The following FHL2 variants were observed in gnomAD, a reference collection of about 807,000 sequenced individuals.
FHL2 encodes four and a half LIM domains protein 2.
In FHL2, 20 loss-of-function variants were observed where a neutral mutation model predicts 32.7. That is an observed-to-expected ratio of 0.61 (90% confidence interval 0.43 to 0.89). The LOEUF is 0.89. Ranked by LOEUF, FHL2 falls within the 40% of genes least tolerant of loss-of-function variation. FHL2 has a pLI of 0.00. For missense variants in FHL2, 311 were observed against 358.6 expected (o/e 0.87, Z 1.07); for synonymous variants, 123 against 128.1 (o/e 0.96, Z 0.27).
chr2:105,366,009 C>T (rs769506270), intron 5 of FHL2, among the ~76,000 whole-genome samples: 6 of 151,852 alleles, frequency 4.0e-5, no homozygotes, highest in Non-Finnish European at 5.9e-5. Flanking sequence ...GTTCCGAGAT[C>T]AGCCTGGCCA....
chr2:105,379,859 A>G (rs1481207755), intron 3 of FHL2, among the ~76,000 whole-genome samples: 1 of 152,208 alleles, frequency 6.6e-6, no homozygotes, highest in Non-Finnish European at 1.5e-5. Context: ...GGCCAGGGCA[A>G]TGCTGGCTTC....
At chr2:105,430,483 A>G (rs1409984197) in intron 1 of FHL2, among the ~76,000 whole-genome samples, 2 of 152,200 alleles carry the variant, frequency 1.3e-5, no homozygotes, top group African/African-American at 2.4e-5. Context: ...CCGGGCCAAC[A>G]TGGTGTAACC....
chr2:105,395,264 C>G (rs1683042735), intron 2 of FHL2, among the ~76,000 whole-genome samples: 1 of 152,244 alleles, frequency 6.6e-6, no homozygotes, highest in Admixed American at 6.5e-5. Flanking sequence ...CGGGTGGCCT[C>G]GGGTCCGTCA....
At position 105,363,391 on chromosome 2, in the gene FHL2, C is replaced by T; in HGVS notation, c.582G>A (p.Gln194=). The T allele has an allele frequency of 6.2e-7, 1 of 1,613,976 alleles. No homozygotes were observed. Among genetic ancestry groups the T allele is most frequent in the Non-Finnish European group, 8.5e-7 (1 of 1,179,944 alleles). Residue 194 remains glutamine, a synonymous_variant, in exon 6 of 7, where the codon CAG becomes CAA. Coordinates refer to ENST00000530340, the MANE Select transcript of FHL2 (RefSeq NM_001318895.3). ...ECFVCTACRK[Q]LSGQRFTARD... is the part of the protein sequence containing the mutation. ...GAGCTGTGAAGCGCTGCCCAGACAG[C>T]TGCTTCCTGCAGGCGGTGCACACGA...
At chr2:105,400,973 C>T (rs11695005), upstream of FHL2, among the ~76,000 whole-genome samples, 19,586 of 150,152 alleles carry the variant, frequency 0.13, 1,572 homozygotes, top group Admixed American at 0.25. Flanking sequence ...TCTACAACAA[C>T]GATGCACAAA....
At position 105,411,510 on chromosome 2, in the gene FHL2, T is replaced by G. The variant is rs117101150; in HGVS notation, c.-24-24970A>C. Among the ~76,000 whole-genome samples, 45 of 151,128 alleles carry G rather than the reference T, an allele frequency of 3.0e-4. 2 individuals are homozygous for G. The East Asian group carries it at 7.4e-3, about 25-fold the overall frequency. On this transcript the variant is annotated intron_variant, in intron 1 of 5. Transcript: ENST00000393352. ...CCCAGAATCCTCATCTTTGAAATGATGAATTTGTAAATGGTCCTGAACTTA... is the reference window on the plus strand; with the variant it reads ...CCCAGAATCCTCATCTTTGAAATGAGGAATTTGTAAATGGTCCTGAACTTA...
At chr2:105,420,789 G>A (rs1684078378) in intron 1 of FHL2, among the ~76,000 whole-genome samples, 1 of 152,114 alleles carries the variant, frequency 6.6e-6, no homozygotes, top group South Asian at 2.1e-4. Context: ...CCTCACATGT[G>A]CAGCTCACAT....
In FHL2 at chr2:105,360,991, A is replaced by G; in HGVS notation, c.*292T>C. 3.8e-6 allele frequency: 1 copy of G among 262,892 alleles called. No individual in the cohort carries two copies. The highest frequency in any genetic ancestry group is 7.2e-6 in the Non-Finnish European group (1 of 138,838). The allele number at this position is 262,892 out of a possible 1,614,324, so 16.3% of individuals were successfully genotyped here. On this transcript the variant is annotated 3_prime_UTR_variant, in exon 7 of 7. Transcript: ENST00000530340. ...TGCACTTAAATAGACAGTGAGAGAA[A>G]GATTTATAAAGGCATCATTCAAAAG...
intron 1 of FHL2, among the ~76,000 whole-genome samples, chr2:105,420,414 C>G (rs1429441910): frequency 6.6e-6 from 1 of 152,190 alleles, no homozygotes; most frequent in African/African-American, 2.4e-5. Flanking sequence ...ATGACCTCCT[C>G]TTAACTAATT....
At chr2:105,426,150 C>G (rs924538477) in intron 1 of FHL2, among the ~76,000 whole-genome samples, 2 of 152,110 alleles carry the variant, frequency 1.3e-5, no homozygotes, top group Non-Finnish European at 2.9e-5. Flanking sequence ...ATCTTGCATG[C>G]AAGCTTTTAC....
chr2:105,402,130 T>C (rs954926650), upstream of FHL2, among the ~76,000 whole-genome samples: 3 of 149,618 alleles, frequency 2.0e-5, no homozygotes, highest in South Asian at 4.2e-4. Flanking sequence ...TATATACATA[T>C]ACACATATAC....
At chr2:105,359,676 A>C (rs963956422), downstream of FHL2, 1 of 152,148 alleles carries the variant, frequency 6.6e-6, no homozygotes, top group African/African-American at 2.4e-5. Context: ...CTACTGCCAC[A>C]CTAGTAGCTC....
intron 1 of FHL2, among the ~76,000 whole-genome samples, chr2:105,409,748 G>T (rs916828682): frequency 1.3e-5 from 2 of 152,196 alleles, no homozygotes; most frequent in African/African-American, 4.8e-5. Flanking sequence ...TCTCAGGGCT[G>T]GTTGTTCTTG....
upstream of FHL2, among the ~76,000 whole-genome samples, chr2:105,400,841 A>G (rs906003146): frequency 6.6e-6 from 1 of 152,018 alleles, no homozygotes; most frequent in African/African-American, 2.4e-5. Flanking sequence ...TTATTAAGAA[A>G]TTCTGCAATT....
At chr2:105,396,917 C>G (rs1683169034) in intron 1 of FHL2, 9 of 525,832 alleles carry the variant, frequency 1.7e-5, no homozygotes, top group South Asian at 1.6e-4. Flanking sequence ...CGACTCAGGC[C>G]CGGTGCTGAC....
chr2:105,399,913 T>G (rs892564974), upstream of FHL2, among the ~76,000 whole-genome samples: 2 of 152,166 alleles, frequency 1.3e-5, no homozygotes, highest in Non-Finnish European at 2.9e-5. Flanking sequence ...GGCAGGTGTA[T>G]TATTTTTAAC....
At chr2:105,385,309 C>T (rs1436407938) in intron 3 of FHL2, among the ~76,000 whole-genome samples, 11 of 152,136 alleles carry the variant, frequency 7.2e-5, no homozygotes, top group Non-Finnish European at 5.9e-5. Flanking sequence ...CCTGTCTTTC[C>T]TAAGAATGAT....
intron 1 of FHL2, among the ~76,000 whole-genome samples, chr2:105,417,500 A>G (rs1683968015): frequency 6.6e-6 from 1 of 152,076 alleles, no homozygotes; most frequent in Non-Finnish European, 1.5e-5. Flanking sequence ...CCTGGGCAAC[A>G]TGGTGAAACT....
intron 5 of FHL2, among the ~76,000 whole-genome samples, chr2:105,364,023 G>A (rs940163509): frequency 3.9e-5 from 6 of 152,148 alleles, no homozygotes; most frequent in African/African-American, 9.7e-5. Flanking sequence ...TTGGGAGGCC[G>A]AGGCAGGTGG....
Sources: gnomAD v4.1 joint callset for allele counts (sites outside exome capture counted in the v4.1 genomes callset) on GRCh38, gnomAD v4.1.1 for gene constraint, MANE v1.5 for transcripts, NCBI Gene and HGNC (gene_info 2026-07-23, HGNC 2026-07-21) for gene names.